The following ERBB4 variants were observed in gnomAD, a reference collection of about 807,000 sequenced individuals.
The protein encoded by ERBB4 is erb-b2 receptor tyrosine kinase 4, also known as receptor tyrosine-protein kinase erbB-4.
Under a neutral mutation model 158.0 loss-of-function variants are expected in ERBB4, and 42 were observed. The observed-to-expected ratio is 0.27, with a 90% confidence interval of 0.21 to 0.34. ERBB4 has a LOEUF of 0.34. Ranked by LOEUF, ERBB4 falls within the 10% of genes least tolerant of loss-of-function variation. ERBB4 has a pLI of 1.00. For synonymous variants in ERBB4, 583 were observed against 558.7 expected (o/e 1.04, Z -0.61); for missense variants, 1,333 against 1,624.1 (o/e 0.82, Z 3.08).
chr2:211,942,166 A>G lies in ERBB4; in HGVS notation c.421+5264T>C, dbSNP rs534873240. Among the ~76,000 whole-genome samples the G allele has an allele frequency of 4.6e-5, 7 of 152,238 alleles. No individual in the cohort carries two copies. In the South Asian group the frequency reaches 1.5e-3, roughly 32 times the overall value. On this transcript the variant is annotated intron_variant, in intron 3 of 27. Transcript: ENST00000342788. ...TTTGACCATAACTGAATAATGCCAA[A>G]GAGGCTTGAGAGACTTAAATGTGAA...
intron 1 of ERBB4, among the ~76,000 whole-genome samples, chr2:212,274,116 A>T (rs1335207981): frequency 6.6e-6 from 1 of 151,922 alleles, no homozygotes; most frequent in East Asian, 1.9e-4. Context: ...AGAGGAAAAT[A>T]GATTTACAGT....
chr2:211,969,237 A>C (rs2081386679), intron 2 of ERBB4, among the ~76,000 whole-genome samples: 1 of 152,040 alleles, frequency 6.6e-6, no homozygotes, highest in Admixed American at 6.6e-5. Context: ...TAAAGGAAAA[A>C]AAGAGACATT....
intron 1 of ERBB4, among the ~76,000 whole-genome samples, chr2:212,446,980 T>A (rs1213744080): frequency 1.3e-5 from 2 of 150,120 alleles, no homozygotes; most frequent in Non-Finnish European, 3.0e-5. Flanking sequence ...AAATACTAAT[T>A]AATACCAAAT....
At chr2:211,988,514 T>A (rs896349271) in intron 2 of ERBB4, among the ~76,000 whole-genome samples, 3 of 152,132 alleles carry the variant, frequency 2.0e-5, no homozygotes, top group African/African-American at 7.2e-5. Context: ...GTTATTTTGA[T>A]GCCAAATATT....
At chr2:211,983,106 A>C (rs2081849546) in intron 2 of ERBB4, among the ~76,000 whole-genome samples, 1 of 152,212 alleles carries the variant, frequency 6.6e-6, no homozygotes, top group Admixed American at 6.5e-5. Flanking sequence ...GTGTTGAACA[A>C]GGAATGAAAT....
intron 1 of ERBB4, among the ~76,000 whole-genome samples, chr2:212,536,160 G>T (rs141967746): frequency 1.8e-4 from 28 of 152,236 alleles, no homozygotes; most frequent in African/African-American, 6.5e-4. Flanking sequence ...GAGGGGAGAC[G>T]CGCAATATGT....
At chr2:212,273,523 C>A (rs2085415803) in intron 1 of ERBB4, among the ~76,000 whole-genome samples, 1 of 151,924 alleles carries the variant, frequency 6.6e-6, no homozygotes. Flanking sequence ...ATGTGGTTTA[C>A]ATCCTTCCAA....
intron 1 of ERBB4, among the ~76,000 whole-genome samples, chr2:212,412,503 G>T (rs2091527388): frequency 6.6e-6 from 1 of 152,130 alleles, no homozygotes; most frequent in African/African-American, 2.4e-5. Flanking sequence ...ATGAGTAAAA[G>T]CTCCCTGAGG....
At chr2:211,430,771 T>C (rs1266783675) in intron 21 of ERBB4, among the ~76,000 whole-genome samples, 174 bp downstream of exon 21, 1 of 132,888 alleles carries the variant, frequency 7.5e-6, no homozygotes, top group Admixed American at 7.4e-5. Flanking sequence ...GTATATGATA[T>C]ATATATACAC....
intron 3 of ERBB4, among the ~76,000 whole-genome samples, chr2:211,859,137 C>T (rs1372784793): frequency 6.6e-6 from 1 of 152,124 alleles, no homozygotes; most frequent in East Asian, 1.9e-4. Context: ...CTGCAGCCTT[C>T]CCAGACATAT....
intron 22 of ERBB4, among the ~76,000 whole-genome samples, chr2:211,424,624 G>A (rs541314761): frequency 1.5e-4 from 23 of 152,090 alleles, no homozygotes; most frequent in South Asian, 6.2e-4. Context: ...GTTATACCAC[G>A]TTACAGTCCA....
chr2:212,044,405 G>A (rs184309898), intron 2 of ERBB4, among the ~76,000 whole-genome samples: 200 of 152,054 alleles, frequency 1.3e-3, no homozygotes, highest in African/African-American at 4.0e-3. Flanking sequence ...TATTTCTGCC[G>A]CCTTTTGGTT....
At chr2:211,699,056 A>G (rs1309837960) in intron 12 of ERBB4, among the ~76,000 whole-genome samples, 1 of 152,222 alleles carries the variant, frequency 6.6e-6, no homozygotes. Flanking sequence ...ACTGTTTTAA[A>G]TCATGCTGAA....
Position 211,898,208 on chromosome 2 carries a change from T to C in ERBB4, c.421+49222A>G, listed in dbSNP as rs1349193145. On this transcript the variant is annotated intron_variant, in intron 3 of 27. Transcript: ENST00000342788. ...TTTTCCATTAGACTAAATATGCCTA[T>C]TTTAAATGTGATACTGCCAATTCTC... Among the ~76,000 whole-genome samples, 4 of 152,310 alleles carry C rather than the reference T, an allele frequency of 2.6e-5. No homozygotes were observed. The South Asian group carries it at 6.2e-4, about 24-fold the overall frequency.
intron 20 of ERBB4, among the ~76,000 whole-genome samples, chr2:211,550,211 T>C (rs1038058067): frequency 6.6e-6 from 1 of 152,034 alleles, no homozygotes; most frequent in African/African-American, 2.4e-5. Context: ...AATTTTCAAA[T>C]ATACAACACA....
At chr2:211,393,594 T>G (rs1371584743) in intron 25 of ERBB4, among the ~76,000 whole-genome samples, 2 of 152,194 alleles carry the variant, frequency 1.3e-5, no homozygotes, top group Non-Finnish European at 2.9e-5. Context: ...ACTTAATGAC[T>G]TAAGGAGGCA....
intron 1 of ERBB4, among the ~76,000 whole-genome samples, chr2:212,226,556 A>C (rs2083477925): frequency 6.6e-6 from 1 of 152,192 alleles, no homozygotes. Flanking sequence ...AAATTTACTA[A>C]TTCTTATTTC....
intron 3 of ERBB4, among the ~76,000 whole-genome samples, chr2:211,932,424 T>C (rs2080202996): frequency 6.6e-6 from 1 of 152,062 alleles, no homozygotes; most frequent in Non-Finnish European, 1.5e-5. Context: ...AAAAATTATA[T>C]ACATTTATGG....
At chr2:211,813,496 T>C (rs538476814) in intron 3 of ERBB4, among the ~76,000 whole-genome samples, 2 of 152,366 alleles carry the variant, frequency 1.3e-5, no homozygotes, top group African/African-American at 4.8e-5. Flanking sequence ...TTTCCTTCTA[T>C]TTCATATATT....
Sources: gnomAD v4.1 joint callset for allele counts (sites outside exome capture counted in the v4.1 genomes callset) on GRCh38, gnomAD v4.1.1 for gene constraint, MANE v1.5 for transcripts, NCBI Gene and HGNC (gene_info 2026-07-23, HGNC 2026-07-21) for gene names.